Variants in KRT7 observed in about 807,000 individuals in gnomAD.
The protein encoded by KRT7 is keratin, type II cytoskeletal 7.
Under a neutral mutation model 42.8 loss-of-function variants are expected in KRT7, and 50 were observed. The observed-to-expected ratio is 1.17, with a 90% CI of 0.93 to 1.48. The LOEUF is 1.48. Ranked by LOEUF, KRT7 falls within the 40% of genes most tolerant of loss-of-function variation. The pLI is 0.00. For synonymous variants in KRT7, 268 were observed against 266.3 expected (o/e 1.01, Z -0.06); for missense variants, 588 against 637.6 (o/e 0.92, Z 0.84).
At chr12:52,239,064 A>G (rs1455583321) in intron 4 of KRT7, among the ~76,000 whole-genome samples, 1 of 152,162 alleles carries the variant, frequency 6.6e-6, no homozygotes, top group African/African-American at 2.4e-5. Context: ...TCACAGGCTG[A>G]GTACTATGGG....
At chr12:52,239,768 C>T (rs1209449772) in intron 4 of KRT7, among the ~76,000 whole-genome samples, 2 of 152,172 alleles carry the variant, frequency 1.3e-5, no homozygotes, top group African/African-American at 4.8e-5. Context: ...GGGTGGGTAG[C>T]TGCCTGCCAA....
rs781317630 is a variant in KRT7, at chr12:52,235,334, C to A, written c.504C>A (p.Ser168Arg). The change falls in exon 2 of 9, where the codon AGC becomes AGA. Residue 168 changes from serine to arginine, a missense_variant. Coordinates refer to ENST00000331817, the MANE Select transcript of KRT7 (RefSeq NM_005556.4). The part of the protein sequence containing the change: ...DGGRLEAELR[S>R]MQDVVEDFKN... ...GCCGCCTGGAGGCGGAGCTGCGGAG[C>A]ATGCAGGATGTGGTGGAGGACTTCA... The A allele has an allele frequency of 2.9e-5, 47 of 1,613,228 alleles. No individual in the cohort carries two copies. The highest frequency in any genetic ancestry group is 1.3e-4 in the East Asian group (6 of 44,872).
rs1336950926 is a variant in KRT7, at chr12:52,245,406, C to T, written c.985-6C>T. ...CCCCAGCTTACAGCTGCACTGCTGC[C>T]CACAGCGTGCCAAGTTGGAGGCCGC... is the stretch of plus-strand genomic sequence containing the variant. On this transcript the variant is annotated splice_region_variant and splice_polypyrimidine_tract_variant and intron_variant, in intron 6 of 8. Transcript: ENST00000331817. 1 of 1,613,252 alleles carries T rather than the reference C, an allele frequency of 6.2e-7. No individual in the cohort carries two copies.
At chr12:52,255,300 T>C (rs1942321414), downstream of KRT7, 2 of 456,680 alleles carry the variant, frequency 4.4e-6, no homozygotes, top group Non-Finnish European at 8.8e-6. Flanking sequence ...GACCCTTCTG[T>C]CTCTGGCCTC....
Position 52,233,487 on chromosome 12 carries a change from G to A in KRT7, c.191G>A (p.Arg64His). 5.6e-6 allele frequency: 9 copies of A among 1,610,546 alleles called. No homozygotes were observed. Among genetic ancestry groups the A allele is most frequent in the Non-Finnish European group, 7.6e-6 (9 of 1,179,284 alleles). ...GGGGGCCCGGTGGGCGCCGGCATCC[G>A]CGAGGTCACCATTAACCAGAGCCTG... is the stretch of plus-strand genomic sequence containing the variant. ...AYGGPVGAGI[R>H]EVTINQSLLA... Residue 64 changes from arginine (R) to histidine (H), a missense_variant, in exon 1 of 9, where the codon CGC becomes CAC. Coordinates refer to ENST00000331817, the MANE Select transcript of KRT7 (RefSeq NM_005556.4).
At chr12:52,250,880 T>C (rs1942255868), downstream of KRT7, among the ~76,000 whole-genome samples, 1 of 152,264 alleles carries the variant, frequency 6.6e-6, no homozygotes, top group Admixed American at 6.5e-5. Context: ...TTAAATGATT[T>C]TGTCATTGTG....
At chr12:52,241,765 C>T (rs371138343) in intron 5 of KRT7, 129 bp downstream of exon 5, 1 of 746,120 alleles carries the variant, frequency 1.3e-6, no homozygotes. Flanking sequence ...TGGTTTAAGT[C>T]TGTGGTGCTC....
chr12:52,251,871 C>A, downstream of KRT7: 1 of 392,456 alleles, frequency 2.5e-6, no homozygotes, highest in Non-Finnish European at 4.9e-6. Flanking sequence ...TTGCCTTTGG[C>A]TGTGGCTGCT....
In KRT7 at chr12:52,245,374, T is replaced by C. The variant is rs747446476; in HGVS notation, c.985-38T>C. On this transcript the variant is annotated intron_variant, in intron 6 of 8. Transcript: ENST00000331817. Reference sequence around the variant, plus strand: ...AGGATGGGCAGGCAGGAAGGCAGACTGGTGAGCCCCAGCTTACAGCTGCAC... The same window carrying C: ...AGGATGGGCAGGCAGGAAGGCAGACCGGTGAGCCCCAGCTTACAGCTGCAC... The C allele has an allele frequency of 4.4e-6, 7 of 1,604,532 alleles. No homozygotes were observed. The South Asian group carries it at 7.8e-5, about 18-fold the overall frequency.
intron 1 of KRT7, 40 bp from the exon 2 acceptor site, chr12:52,235,115 T>C: frequency 6.3e-7 from 1 of 1,596,938 alleles, no homozygotes; most frequent in African/African-American, 1.3e-5. Flanking sequence ...GGTGGCACGC[T>C]CTGGCTCCTC....
At chr12:52,240,162 TACAC>T (rs10604083) in intron 4 of KRT7, among the ~76,000 whole-genome samples, 15,299 of 150,196 alleles carry the variant, frequency 0.1, 1,460 homozygotes, top group East Asian at 0.44. Context: ...CACACATGTG[TACAC>T]ACACACACAC....
chr12:52,237,726 ATGTGTGTG>A lies in KRT7; in HGVS notation c.597+186_597+193del, dbSNP rs10546862. 639 of 345,670 alleles carry A rather than the reference ATGTGTGTG, an allele frequency of 1.8e-3. 1 individual carries two copies. The highest frequency in any genetic ancestry group is 5.7e-3 in the East Asian group (122 of 21,464). 21.4% of individuals were successfully genotyped at this position (345,670 alleles called of 1,614,324 possible). A position where few individuals can be genotyped will look rare whatever the true frequency, so the allele number is the denominator to read the frequency against. On this transcript the variant is annotated intron_variant, in intron 3 of 8. Coordinates refer to ENST00000331817, the MANE Select transcript of KRT7 (RefSeq NM_005556.4). Reference sequence around the variant, plus strand: ...CACAGCCTGTCCTGTGGGTGCGTGTATGTGTGTGTGTGTGTGTGTGTGTGTGTGTGTGT... The same window carrying A: ...CACAGCCTGTCCTGTGGGTGCGTGTATGTGTGTGTGTGTGTGTGTGTGTGT...
At chr12:52,255,559 T>C (rs1453476741), downstream of KRT7, 1 of 391,708 alleles carries the variant, frequency 2.6e-6, no homozygotes, top group Non-Finnish European at 5.1e-6. Flanking sequence ...TCCATCCCTT[T>C]CTTCTGGGCA....
At position 52,235,233 on chromosome 12, in the gene KRT7, A is replaced by T. The variant is rs1941994708; in HGVS notation, c.403A>T (p.Ser135Cys). ...LLQEQKSAKSSRLPDIFEAQI... is the reference protein window; with the variant it reads ...LLQEQKSAKSCRLPDIFEAQI... ...GCAGGAGCAGAAGTCGGCCAAGAGC[A>T]GCCGCCTCCCAGACATCTTTGAGGC... The change falls in exon 2 of 9, where the codon AGC becomes TGC. Residue 135 changes from serine to cysteine, a missense_variant. Coordinates refer to ENST00000331817, the MANE Select transcript of KRT7 (RefSeq NM_005556.4). 1 of 1,614,076 alleles carries T rather than the reference A, an allele frequency of 6.2e-7. No individual in the cohort carries two copies. The highest frequency in any genetic ancestry group is 1.7e-5 in the Admixed American group (1 of 60,012).
At chr12:52,246,760 C>A (rs773932262) in intron 7 of KRT7, among the ~76,000 whole-genome samples, 17 of 152,166 alleles carry the variant, frequency 1.1e-4, no homozygotes, top group Non-Finnish European at 1.0e-4. Flanking sequence ...AGCCAAGATG[C>A]CTCTCTCTGC....
At chr12:52,255,200 C>A, downstream of KRT7, 1 of 344,558 alleles carries the variant, frequency 2.9e-6, no homozygotes, top group Non-Finnish European at 5.8e-6. Flanking sequence ...GAAGCTGGGC[C>A]GTGTGATTCT....
intron 7 of KRT7, chr12:52,247,948 C>CCTGA: frequency 1.7e-6 from 1 of 581,552 alleles, no homozygotes; most frequent in Middle Eastern, 4.1e-4. Context: ...AAATGGAGGC[C>CCTGA]CTGAGACATT....
downstream of KRT7, chr12:52,255,398 C>T (rs1242424434): frequency 2.2e-6 from 1 of 456,782 alleles, no homozygotes; most frequent in Admixed American, 2.3e-5. Flanking sequence ...TTAGTGCCAC[C>T]TCTTCTTCAT....
chr12:52,248,752 C>A lies in KRT7; in HGVS notation c.1402C>A (p.Arg468Ser). 1 of 1,563,996 alleles carries A rather than the reference C, an allele frequency of 6.4e-7. No individual in the cohort carries two copies. Among genetic ancestry groups the A allele is most frequent in the Non-Finnish European group, 8.6e-7 (1 of 1,158,216 alleles). ...RTASASRRSA[R>S]D Reference sequence around the variant, plus strand: ...CGCATCCGCCAGTCGCAGGAGTGCCCGCGACTGAGCCGCCTCCCACCACTC... The same window carrying A: ...CGCATCCGCCAGTCGCAGGAGTGCCAGCGACTGAGCCGCCTCCCACCACTC... The change falls in exon 9 of 9, where the codon CGC becomes AGC. Residue 468 changes from arginine to serine, a missense_variant. Arg to Ser is a moderately radical substitution (Grantham distance 110). Coordinates refer to ENST00000331817, the MANE Select transcript of KRT7 (RefSeq NM_005556.4).
Sources: allele counts gnomAD v4.1 joint callset (sites outside exome capture counted in the v4.1 genomes callset), GRCh38; gene constraint gnomAD v4.1.1; transcripts MANE v1.5; gene names NCBI Gene and HGNC (gene_info 2026-07-23, HGNC 2026-07-21).